The following ACVR1B variants were observed in gnomAD, a reference collection of about 807,000 sequenced individuals.
ACVR1B encodes activin receptor type-1B.
A neutral mutation model predicts 55.6 loss-of-function variants in ACVR1B; 15 were observed. The observed-to-expected ratio is 0.27, with a 90% CI of 0.18 to 0.42. The LOEUF is 0.42. ACVR1B is among the 10% of genes least tolerant of loss of function. The probability of loss-of-function intolerance (pLI) is 1.00; values close to 1 mark genes in which losing one functional copy is unlikely to be tolerated. For synonymous variants in ACVR1B, 247 were observed against 254.6 expected (o/e 0.97, Z 0.28); for missense variants, 359 against 670.1 (o/e 0.54, Z 5.13).
intron 1 of ACVR1B, among the ~76,000 whole-genome samples, chr12:51,966,189 G>A (rs1438574970): frequency 6.6e-6 from 1 of 152,198 alleles, no homozygotes; most frequent in South Asian, 2.1e-4. Flanking sequence ...AGAAATTTGA[G>A]CCTGAATCAC....
rs1565625607 is a variant in ACVR1B, at chr12:51,995,355, G to A, written c.*1245G>A. On this transcript the variant is annotated 3_prime_UTR_variant, in exon 9 of 9. Transcript: ENST00000257963. The stretch of plus-strand genomic sequence containing the variant: ...TGCATGGGTCTTCTTTTACTGGACT[G>A]TCTGATCAGGGTGGAGGGAAGGTGA... The A allele has an allele frequency of 6.6e-6, 1 of 152,238 alleles. No homozygotes were observed. The highest frequency in any genetic ancestry group is 1.9e-4 in the East Asian group (1 of 5,170). 9.4% of individuals were successfully genotyped at this position (152,238 alleles called of 1,614,324 possible). A position where few individuals can be genotyped will look rare whatever the true frequency, so the allele number is the denominator to read the frequency against.
At chr12:51,952,362 G>A (rs971679549) in intron 1 of ACVR1B, among the ~76,000 whole-genome samples, 12 of 152,112 alleles carry the variant, frequency 7.9e-5, no homozygotes, top group African/African-American at 2.7e-4. Flanking sequence ...CTTTCCTTCA[G>A]GTCCTGCACT....
chr12:51,990,806 G>T (rs1433425510), intron 7 of ACVR1B, among the ~76,000 whole-genome samples: 2 of 152,068 alleles, frequency 1.3e-5, no homozygotes, highest in Non-Finnish European at 2.9e-5. Context: ...GAGAATCCAG[G>T]TCATTTGTCC....
intron 1 of ACVR1B, among the ~76,000 whole-genome samples, chr12:51,971,778 G>A (rs970290236): frequency 6.6e-6 from 1 of 152,154 alleles, no homozygotes; most frequent in Non-Finnish European, 1.5e-5. Context: ...GTCCAGTGTT[G>A]GGTCAGTGAT....
rs529828079 is a variant in ACVR1B, at chr12:51,972,444, A to C, written c.92-2821A>C. Among the ~76,000 whole-genome samples the C allele has an allele frequency of 2.6e-5, 4 of 152,174 alleles. No homozygotes were observed. In the East Asian group the frequency reaches 7.7e-4, roughly 29 times the overall value. ...TGTGTTACAGTTGCCTACAGTATTCAGTACAGTTACATACTGTACAGGTTT... is the reference window on the plus strand; with the variant it reads ...TGTGTTACAGTTGCCTACAGTATTCCGTACAGTTACATACTGTACAGGTTT... On this transcript the variant is annotated intron_variant, in intron 1 of 8. Transcript: ENST00000257963.
At position 51,994,718 on chromosome 12, in the gene ACVR1B, G is replaced by A. The variant is rs879717619; in HGVS notation, c.*608G>A. On this transcript the variant is annotated 3_prime_UTR_variant, in exon 9 of 9. Coordinates refer to ENST00000257963, the MANE Select transcript of ACVR1B (RefSeq NM_004302.5). The surrounding 1 kb of genome is among the most constrained non-coding windows in gnomAD (Gnocchi z 4.2). ...CCTGGTTCGTGCCATGCCCTTACAC[G>A]TGCGTGTGAGTGTGTGTGTGTGTCT... 1.2e-4 allele frequency: 19 copies of A among 153,556 alleles called. No homozygotes were observed. Among genetic ancestry groups the A allele is most frequent in the Non-Finnish European group, 2.6e-4 (18 of 68,870 alleles). 9.5% of individuals were successfully genotyped at this position (153,556 alleles called of 1,614,324 possible). A position where few individuals can be genotyped will look rare whatever the true frequency, so the allele number is the denominator to read the frequency against.
At chr12:51,955,511 A>G (rs894066331) in intron 1 of ACVR1B, among the ~76,000 whole-genome samples, 1 of 152,204 alleles carries the variant, frequency 6.6e-6, no homozygotes, top group African/African-American at 2.4e-5. Flanking sequence ...CAGGGTGTTG[A>G]GGTGGAATGG....
intron 3 of ACVR1B, 130 bp downstream of exon 3, chr12:51,976,705 G>A: frequency 8.4e-7 from 1 of 1,195,928 alleles, no homozygotes; most frequent in Non-Finnish European, 1.2e-6. Flanking sequence ...TGGTTTCCTA[G>A]TTCCCCTTCT....
chr12:51,990,701 C>G (rs1942173539), intron 7 of ACVR1B, among the ~76,000 whole-genome samples: 1 of 152,138 alleles, frequency 6.6e-6, no homozygotes, highest in Non-Finnish European at 1.5e-5. Context: ...AATCGGGGTT[C>G]CAATAAGTTT....
intron 1 of ACVR1B, among the ~76,000 whole-genome samples, chr12:51,952,581 G>A (rs1941323227): frequency 6.6e-6 from 1 of 152,124 alleles, no homozygotes; most frequent in African/African-American, 2.4e-5. Context: ...TAACCCTATG[G>A]AACCGAGTTC....
At chr12:51,991,591 G>A (rs547554546) in intron 7 of ACVR1B, among the ~76,000 whole-genome samples, 106 of 152,250 alleles carry the variant, frequency 7.0e-4, no homozygotes, top group African/African-American at 2.5e-3. Flanking sequence ...TAGTAGAGAT[G>A]GGGTTTTACC....
At chr12:51,963,335 C>G (rs1156801086) in intron 1 of ACVR1B, among the ~76,000 whole-genome samples, 1 of 152,096 alleles carries the variant, frequency 6.6e-6, no homozygotes, top group African/African-American at 2.4e-5. Flanking sequence ...ACCTCTGCCT[C>G]CCAGGTTCAA....
At chr12:51,982,754 C>T (rs1942004811) in intron 4 of ACVR1B, 1 of 1,534,220 alleles carries the variant, frequency 6.5e-7, no homozygotes, top group Non-Finnish European at 8.7e-7. Context: ...GCTGAGGAGC[C>T]TTAGACTCCA....
At chr12:51,953,391 T>TA in intron 1 of ACVR1B, 1 of 985,498 alleles carries the variant, frequency 1.0e-6, no homozygotes, top group Non-Finnish European at 1.2e-6. Context: ...ATGCTTCTCC[T>TA]AAGCACCTCG....
intron 8 of ACVR1B, 138 bp downstream of exon 8, chr12:51,992,131 C>T (rs1451427542): frequency 2.6e-6 from 3 of 1,161,266 alleles, no homozygotes; most frequent in Non-Finnish European, 2.5e-6. Flanking sequence ...TGCTATTTTA[C>T]ATATCCCAAG....
chr12:51,960,494 G>C (rs371524366), intron 1 of ACVR1B, among the ~76,000 whole-genome samples: 2 of 152,036 alleles, frequency 1.3e-5, no homozygotes, highest in Admixed American at 1.3e-4. Flanking sequence ...GAGGAGTTCA[G>C]GTGACAATTG....
chr12:51,986,368 C>G (rs534903218), intron 6 of ACVR1B, among the ~76,000 whole-genome samples: 2 of 152,352 alleles, frequency 1.3e-5, no homozygotes, highest in South Asian at 2.1e-4. Context: ...AAGTGATTCT[C>G]CTGCCTCAGC....
chr12:51,988,898 A>G (rs1231732395), intron 7 of ACVR1B, among the ~76,000 whole-genome samples: 1 of 152,168 alleles, frequency 6.6e-6, no homozygotes, highest in East Asian at 1.9e-4. Flanking sequence ...TGGGCTGATT[A>G]CCTGAGGCCA....
chr12:51,985,628 G>A (rs1455295573), intron 6 of ACVR1B, among the ~76,000 whole-genome samples: 1 of 152,218 alleles, frequency 6.6e-6, no homozygotes, highest in Non-Finnish European at 1.5e-5. Flanking sequence ...TCTAGAGCAG[G>A]ATTTAGAAGG....
Sources: allele counts gnomAD v4.1 joint callset (sites outside exome capture counted in the v4.1 genomes callset), GRCh38; gene constraint gnomAD v4.1.1; non-coding constraint Gnocchi (gnomAD v3.1); transcripts MANE v1.5; gene names NCBI Gene and HGNC (gene_info 2026-07-23, HGNC 2026-07-21).